Variants in SHROOM4 observed in about 807,000 individuals in gnomAD.
SHROOM4 encodes the protein protein Shroom4.
In SHROOM4, 17 loss-of-function variants were observed where a neutral mutation model predicts 80.3. The ratio of observed to expected loss-of-function variants is 0.21; its 90% confidence interval spans 0.14 to 0.32. The LOEUF (loss-of-function observed/expected upper bound fraction) is 0.32. SHROOM4 is among the 10% of genes least tolerant of loss of function. The pLI is 1.00. For missense variants in SHROOM4, 993 were observed against 1,140.3 expected, an observed-to-expected ratio of 0.87 and a Z score of 1.86; for synonymous variants, 400 against 437.5, an observed-to-expected ratio of 0.91 and a Z score of 1.07.
chrX:50,591,861 G>A lies in SHROOM4; in HGVS notation c.*4834C>T, dbSNP rs1928901301. On this transcript the variant is annotated 3_prime_UTR_variant, in exon 9 of 9. Coordinates refer to ENST00000376020, the MANE Select transcript of SHROOM4 (RefSeq NM_020717.5). ...GCCTCCCGAGTAGCTGGGACTACTG[G>A]TGCGTGCCACCACACCTGGCTAATT... 3.2e-6 allele frequency: 1 copy of A among 312,931 alleles called. No individual in the cohort carries two copies. The highest frequency in any genetic ancestry group is 6.1e-6 in the Non-Finnish European group (1 of 162,957). 25.8% of individuals were successfully genotyped at this position (312,931 alleles called of 1,213,427 possible).
At chrX:50,743,841 T>G (rs1557267440) in intron 1 of SHROOM4, among the ~76,000 whole-genome samples, 1 of 112,201 alleles carries the variant, frequency 8.9e-6, no homozygotes, top group East Asian at 2.8e-4. Context: ...GGAAACATCT[T>G]TATTTCGCCT....
intron 1 of SHROOM4, among the ~76,000 whole-genome samples, chrX:50,808,127 A>AAAAGTGAAAC (rs1557273160): frequency 9.0e-6 from 1 of 111,689 alleles, no homozygotes; most frequent in Non-Finnish European, 1.9e-5. Flanking sequence ...GCTCTGCTAG[A>AAAAGTGAAAC]AAAGTGAAAC....
Position 50,633,199 on chromosome X carries a change from T to A in SHROOM4, c.2874A>T (p.Lys958Asn), listed in dbSNP as rs143058766. ...DSSLAPGNTW[K>N]PRKLTVQEFP... ...TCACCTGCACTGTCAGCTTCCTGGG[T>A]TTCCAAGTGTTGCCAGGTGCCAAGC... Residue 958 changes from lysine to asparagine, a missense_variant, in exon 4 of 9, where the codon AAA (lysine) becomes AAT (asparagine). Physicochemically the swap from Lys to Asn is moderately conservative, Grantham distance 94 (BLOSUM62 0). Transcript: ENST00000376020. The A allele has an allele frequency of 8.3e-7, 1 of 1,209,167 alleles. No individual in the cohort carries two copies. The highest frequency in any genetic ancestry group is 1.7e-5 in the African/African-American group (1 of 57,229).
intron 5 of SHROOM4, 29 bp downstream of exon 5, chrX:50,627,585 C>T: frequency 8.4e-7 from 1 of 1,190,337 alleles, no homozygotes; most frequent in South Asian, 1.8e-5. Context: ...AGGCACCAAC[C>T]CACCCCAACT....
rs1262664863 is a variant in SHROOM4, at chrX:50,596,672, G to T, written c.*23C>A. 2 of 1,205,323 alleles carry T rather than the reference G, an allele frequency of 1.7e-6. No homozygotes were observed. The highest frequency in any genetic ancestry group is 1.7e-5 in the African/African-American group (1 of 57,356). ...ACTTCCCACATGGCTGGGCAGGGAT[G>T]CTGTGGCAGAGTGCTGGTAGAATTA... On this transcript the variant is annotated 3_prime_UTR_variant, in exon 9 of 9. Coordinates refer to ENST00000376020, the MANE Select transcript of SHROOM4 (RefSeq NM_020717.5).
intron 1 of SHROOM4, among the ~76,000 whole-genome samples, chrX:50,777,914 C>T (rs782281998): frequency 8.9e-6 from 1 of 112,212 alleles, no homozygotes; most frequent in African/African-American, 3.2e-5. Context: ...CATTAGAGTG[C>T]TAGTCACTTC....
At chrX:50,694,044 T>A (rs1933296125) in intron 2 of SHROOM4, among the ~76,000 whole-genome samples, 1 of 111,710 alleles carries the variant, frequency 9.0e-6, no homozygotes. Context: ...ATGACAGGAT[T>A]TCATTCTTTT....
rs1004188850 is a variant in SHROOM4 at position 50,590,990 on chromosome X, C to T, written c.*5705G>A. ...TATTTCTTGTATCACTTGTGCAAAT[C>T]GTCTTAACATTAGGAAGACTTATTA... On this transcript the variant is annotated 3_prime_UTR_variant, in exon 9 of 9. Transcript: ENST00000376020. Among the ~76,000 whole-genome samples the T allele has an allele frequency of 4.5e-5, 5 of 111,810 alleles. No individual in the cohort carries two copies. Among genetic ancestry groups the T allele is most frequent in the African/African-American group, 9.8e-5 (3 of 30,766 alleles).
At chrX:50,608,451 A>T (rs1258474367) in intron 5 of SHROOM4, among the ~76,000 whole-genome samples, 3 of 111,549 alleles carry the variant, frequency 2.7e-5, no homozygotes, top group Non-Finnish European at 1.9e-5. Context: ...TTACTATTGC[A>T]CTGATTTTAC....
intron 2 of SHROOM4, among the ~76,000 whole-genome samples, chrX:50,651,863 T>G (rs782686499): frequency 3.2e-4 from 35 of 110,984 alleles, no homozygotes; most frequent in African/African-American, 1.0e-3. Context: ...TTAGTTTACC[T>G]AGAATGATGG....
chrX:50,593,199 G>A lies in SHROOM4; in HGVS notation c.*3496C>T, dbSNP rs1928950047. The A allele has an allele frequency of 8.9e-6, 1 of 112,042 alleles. No homozygotes were observed. The highest frequency in any genetic ancestry group is 1.9e-5 in the Non-Finnish European group (1 of 53,161). The allele number at this position is 112,042 out of a possible 1,213,427, so 9.2% of individuals were successfully genotyped here. The stretch of plus-strand genomic sequence containing the variant: ...GGCCAGGGTAAGGGTTTAGGGATGT[G>A]GGTAAGGGTCTGGTCATATGTTTAT... On this transcript the variant is annotated 3_prime_UTR_variant, in exon 9 of 9. Coordinates refer to ENST00000376020, the MANE Select transcript of SHROOM4 (RefSeq NM_020717.5).
intron 1 of SHROOM4, among the ~76,000 whole-genome samples, chrX:50,783,154 T>G (rs1363659420): frequency 8.9e-6 from 1 of 112,098 alleles, no homozygotes; most frequent in Non-Finnish European, 1.9e-5. Context: ...GTAGATGATA[T>G]GATCAGGCAG....
downstream of SHROOM4, among the ~76,000 whole-genome samples, chrX:50,582,336 C>T (rs979744407): frequency 4.5e-5 from 5 of 111,482 alleles, no homozygotes; most frequent in Admixed American, 1.9e-4. Context: ...TGTGCCTTGA[C>T]GTGAAAAACT....
chrX:50,761,641 C>T (rs1416932254), intron 1 of SHROOM4, among the ~76,000 whole-genome samples: 1 of 111,513 alleles, frequency 9.0e-6, no homozygotes, highest in Admixed American at 9.5e-5. Flanking sequence ...CGGCTTACTG[C>T]AACCTTCACC....
Position 50,685,776 on chromosome X carries a change from A to G in SHROOM4, c.269+10010T>C, listed in dbSNP as rs1426472030. Among the ~76,000 whole-genome samples the G allele has an allele frequency of 5.3e-5, 6 of 112,196 alleles. No homozygotes were observed. In the Admixed American group the frequency reaches 5.6e-4, roughly 11 times the overall value. On this transcript the variant is annotated intron_variant, in intron 2 of 8. Transcript: ENST00000376020. ...TACAGAAACCTCTTTTAGCTCTAGC[A>G]GTACATTTTCCTTTGATTGAAGCTT... is the stretch of plus-strand genomic sequence containing the variant.
intron 2 of SHROOM4, among the ~76,000 whole-genome samples, chrX:50,652,537 T>C (rs1189225032): frequency 1.8e-5 from 2 of 112,076 alleles, no homozygotes; most frequent in African/African-American, 6.5e-5. Flanking sequence ...TTCACTCTGA[T>C]GATAGTTTCT....
intron 2 of SHROOM4, among the ~76,000 whole-genome samples, chrX:50,670,644 C>G (rs193165831): frequency 1.8e-5 from 2 of 111,849 alleles, no homozygotes; most frequent in Admixed American, 1.9e-4. Context: ...ATCACTGGGT[C>G]AAATGCTATT....
intron 1 of SHROOM4, among the ~76,000 whole-genome samples, chrX:50,753,735 ATT>A (rs1934973824): frequency 2.7e-5 from 3 of 112,433 alleles, no homozygotes; most frequent in Non-Finnish European, 5.6e-5. Flanking sequence ...TGTTATTAAC[ATT>A]TGTCTCCCTT....
intron 1 of SHROOM4, among the ~76,000 whole-genome samples, chrX:50,708,810 T>A (rs1284827358): frequency 9.0e-6 from 1 of 111,217 alleles, no homozygotes; most frequent in Non-Finnish European, 1.9e-5. Context: ...TAATATGACT[T>A]CTAAGCACAT....
Sources: gnomAD v4.1 joint callset for allele counts (sites outside exome capture counted in the v4.1 genomes callset) on GRCh38, gnomAD v4.1.1 for gene constraint, MANE v1.5 for transcripts, NCBI Gene and HGNC (gene_info 2026-07-23, HGNC 2026-07-21) for gene names.